The following TPD52 variants were observed in gnomAD, a reference collection of about 807,000 sequenced individuals.
The protein encoded by TPD52 is prostate and colon associated protein.
Under a neutral mutation model 31.3 loss-of-function variants are expected in TPD52, and 17 were observed. The observed-to-expected ratio is 0.54, with a 90% CI of 0.37 to 0.82. The LOEUF is 0.82. TPD52 is among the 40% of genes least tolerant of loss of function. The pLI is 0.00. For missense variants in TPD52, 212 were observed against 240.1 expected (o/e 0.88, Z 0.77); for synonymous variants, 83 against 89.6 (o/e 0.93, Z 0.42).
At chr8:80,078,683 T>C (rs560078401) in intron 1 of TPD52, among the ~76,000 whole-genome samples, 1 of 152,336 alleles carries the variant, frequency 6.6e-6, no homozygotes, top group Admixed American at 6.5e-5. Context: ...TTTCAATTAA[T>C]GCAAACTACT....
intron 1 of TPD52, chr8:80,080,696 T>G: frequency 1.7e-6 from 2 of 1,187,026 alleles, no homozygotes; most frequent in Non-Finnish European, 2.1e-6. Flanking sequence ...AGGGGCTCTA[T>G]TCACCACCTG....
At chr8:80,070,207 C>A (rs1020937387) in intron 1 of TPD52, among the ~76,000 whole-genome samples, 2 of 151,962 alleles carry the variant, frequency 1.3e-5, no homozygotes, top group African/African-American at 4.8e-5. Flanking sequence ...CAGCCCCAAC[C>A]CCCCTTTGGA....
At chr8:80,107,254 T>C (rs545736554) in intron 1 of TPD52, among the ~76,000 whole-genome samples, 1 of 152,328 alleles carries the variant, frequency 6.6e-6, no homozygotes, top group African/African-American at 2.4e-5. Flanking sequence ...CAAAGCCCAC[T>C]TGGACCTTTT....
intron 1 of TPD52, among the ~76,000 whole-genome samples, chr8:80,105,185 A>C (rs936150895): frequency 1.3e-5 from 2 of 152,050 alleles, no homozygotes; most frequent in Non-Finnish European, 2.9e-5. Context: ...CTCACTGTAG[A>C]CTCAACCTAA....
At chr8:80,043,962 T>A (rs530893884) in intron 6 of TPD52, among the ~76,000 whole-genome samples, 2 of 152,184 alleles carry the variant, frequency 1.3e-5, no homozygotes, top group African/African-American at 2.4e-5. Flanking sequence ...ATAATTTTTT[T>A]AAAAACAAAA....
At chr8:80,165,501 G>GAAAA (rs1467974101) in intron 1 of TPD52, among the ~76,000 whole-genome samples, 1 of 152,176 alleles carries the variant, frequency 6.6e-6, no homozygotes, top group East Asian at 1.9e-4. Context: ...AAAGGCACTT[G>GAAAA]AAAAACAGCA....
In TPD52 at chr8:80,077,912, A is replaced by G. The variant is rs543653385; in HGVS notation, c.20-13319T>C. On this transcript the variant is annotated intron_variant, in intron 1 of 7. Coordinates refer to ENST00000518937, the MANE Select transcript of TPD52 (RefSeq NM_001025253.3). ...ACACTATGGGTTGTAAAATCCAGTT[A>G]GCAGAACCAGATGAGCACTTTAAAA... Among the ~76,000 whole-genome samples the G allele has an allele frequency of 5.2e-5, 8 of 152,386 alleles. No homozygotes were observed. In the South Asian group the frequency reaches 1.7e-3, roughly 32 times the overall value.
At chr8:80,144,319 A>C (rs979176058) in intron 1 of TPD52, among the ~76,000 whole-genome samples, 1 of 152,368 alleles carries the variant, frequency 6.6e-6, no homozygotes, top group East Asian at 1.9e-4. Context: ...TTCTGACAAA[A>C]TAAAACAGTG....
chr8:80,103,507 T>C (rs934473624), intron 1 of TPD52, among the ~76,000 whole-genome samples: 6 of 152,200 alleles, frequency 3.9e-5, no homozygotes, highest in African/African-American at 1.2e-4. Context: ...AAAATGTAAA[T>C]GTGCTTAAGA....
At chr8:80,061,966 A>G (rs1812603609) in intron 2 of TPD52, among the ~76,000 whole-genome samples, 2 of 152,218 alleles carry the variant, frequency 1.3e-5, no homozygotes, top group South Asian at 4.1e-4. Flanking sequence ...ATGGACTGGA[A>G]GACTTAATAT....
downstream of TPD52, among the ~76,000 whole-genome samples, chr8:80,033,739 T>G (rs1052674603): frequency 1.3e-5 from 2 of 152,154 alleles, no homozygotes; most frequent in African/African-American, 4.8e-5. Flanking sequence ...AGAACAGCAC[T>G]CAGGAGACCC....
chr8:80,050,834 A>AC (rs1554579167), intron 4 of TPD52, among the ~76,000 whole-genome samples: 1 of 151,484 alleles, frequency 6.6e-6, no homozygotes, highest in Non-Finnish European at 1.5e-5. Context: ...CAATCTGAGC[A>AC]TTTTTTTTTA....
At chr8:80,150,366 G>T (rs1008479247) in intron 1 of TPD52, among the ~76,000 whole-genome samples, 1 of 152,144 alleles carries the variant, frequency 6.6e-6, no homozygotes, top group African/African-American at 2.4e-5. Flanking sequence ...TGCTAGGGCA[G>T]TGCAGGAGCG....
intron 1 of TPD52, among the ~76,000 whole-genome samples, chr8:80,088,482 T>C (rs1186439391): frequency 6.6e-6 from 1 of 152,164 alleles, no homozygotes; most frequent in Non-Finnish European, 1.5e-5. Flanking sequence ...AGTGGTCATT[T>C]TCCTCTCACT....
At chr8:80,074,284 A>G (rs1207539319) in intron 1 of TPD52, among the ~76,000 whole-genome samples, 1 of 152,240 alleles carries the variant, frequency 6.6e-6, no homozygotes, top group Non-Finnish European at 1.5e-5. Context: ...ATTTAAACAT[A>G]TAATTCAAAG....
chr8:80,040,220 G>C (rs1406592869), intron 7 of TPD52, among the ~76,000 whole-genome samples: 1 of 131,340 alleles, frequency 7.6e-6, no homozygotes, highest in African/African-American at 3.0e-5. Context: ...TTTGAGACAG[G>C]GTCTGGCTCT....
chr8:80,157,569 C>T (rs555530465), intron 1 of TPD52, among the ~76,000 whole-genome samples: 2 of 152,226 alleles, frequency 1.3e-5, no homozygotes, highest in East Asian at 1.9e-4. Flanking sequence ...AAAACCCGAG[C>T]GAGAATAGTT....
chr8:80,053,686 T>C lies in TPD52; in HGVS notation c.136-256A>G, dbSNP rs367937874. ...TGTTTTTGGCCTTCTCCTCTCTCCC[T>C]ATACTTCCTTACTCAGCTATCTCAT... On this transcript the variant is annotated intron_variant, in intron 2 of 7. Transcript: ENST00000518937. 2.0e-3 allele frequency among the ~76,000 whole-genome samples: 303 copies of C among 152,228 alleles called. 2 individuals are homozygous for C. The highest frequency in any genetic ancestry group is 6.0e-3 in the Admixed American group (92 of 15,282).
At chr8:80,051,657 A>G (rs1469447213) in intron 3 of TPD52, 29 bp from the exon 4 acceptor site, 11 of 1,530,238 alleles carry the variant, frequency 7.2e-6, no homozygotes, top group Non-Finnish European at 8.8e-6. Context: ...ACACAGAGCA[A>G]AAGAAGGGTC....
Sources: allele counts gnomAD v4.1 joint callset (sites outside exome capture counted in the v4.1 genomes callset), GRCh38; gene constraint gnomAD v4.1.1; transcripts MANE v1.5; gene names NCBI Gene and HGNC (gene_info 2026-07-23, HGNC 2026-07-21).